The following IGF1R variants were observed in gnomAD, a reference collection of about 807,000 sequenced individuals.
The protein encoded by IGF1R is insulin like growth factor 1 receptor.
A neutral mutation model predicts 144.6 loss-of-function variants in IGF1R; 44 were observed. The observed-to-expected ratio is 0.30, with a 90% CI of 0.24 to 0.39. IGF1R has a LOEUF of 0.39. Ranked by LOEUF, IGF1R falls within the 10% of genes least tolerant of loss-of-function variation. The pLI, the probability that IGF1R is intolerant of heterozygous loss-of-function variation, is 1.00. For missense variants in IGF1R, 1,355 were observed against 1,833.7 expected, an observed-to-expected ratio of 0.74 and a Z score of 4.77; for synonymous variants, 795 against 722.8, an observed-to-expected ratio of 1.10 and a Z score of -1.60.
chr15:98,916,212 A>T, intron 9 of IGF1R, 81 bp downstream of exon 9: 1 of 1,314,094 alleles, frequency 7.6e-7, no homozygotes, highest in Non-Finnish European at 1.1e-6. Context: ...CTAATATTAC[A>T]CGTATCAGAC....
At chr15:98,756,610 A>T (rs2055162992) in intron 2 of IGF1R, among the ~76,000 whole-genome samples, 1 of 152,018 alleles carries the variant, frequency 6.6e-6, no homozygotes, top group Admixed American at 6.6e-5. Context: ...TAGGTATATT[A>T]ATTTTATATT....
chr15:98,664,119 T>G (rs944783904), intron 1 of IGF1R, among the ~76,000 whole-genome samples: 1 of 152,238 alleles, frequency 6.6e-6, no homozygotes, highest in African/African-American at 2.4e-5. Flanking sequence ...TTTGTAACAC[T>G]TTCCTGCTAT....
At chr15:98,879,669 G>A (rs1252250302) in intron 2 of IGF1R, among the ~76,000 whole-genome samples, 1 of 152,078 alleles carries the variant, frequency 6.6e-6, no homozygotes, top group Admixed American at 6.5e-5. Context: ...GTCCAGATGG[G>A]CCTCTCTCCA....
chr15:98,738,604 C>A (rs1567811), intron 2 of IGF1R, among the ~76,000 whole-genome samples: 1 of 151,962 alleles, frequency 6.6e-6, no homozygotes, highest in African/African-American at 2.4e-5. Context: ...TTGTGTCTGT[C>A]TGAGGCTCAG....
At chr15:98,783,958 A>ATTTTT (rs71149420) in intron 2 of IGF1R, among the ~76,000 whole-genome samples, 2 of 54,792 alleles carry the variant, frequency 3.7e-5, no homozygotes, top group African/African-American at 1.6e-4. Context: ...GGCATCTGAA[A>ATTTTT]TTTTTTTTTT....
At chr15:98,732,345 G>A (rs1037516439) in intron 2 of IGF1R, among the ~76,000 whole-genome samples, 3 of 152,220 alleles carry the variant, frequency 2.0e-5, no homozygotes, top group African/African-American at 4.8e-5. Context: ...TCAGGCAGAT[G>A]TCCTCTAAGA....
intron 1 of IGF1R, among the ~76,000 whole-genome samples, chr15:98,682,928 T>C (rs548835956): frequency 6.6e-6 from 1 of 151,738 alleles, no homozygotes; most frequent in East Asian, 1.9e-4. Context: ...GCTATGCATT[T>C]AAGTTGGAGC....
intron 2 of IGF1R, among the ~76,000 whole-genome samples, chr15:98,803,728 A>G (rs1035452153): frequency 6.6e-6 from 1 of 151,812 alleles, no homozygotes; most frequent in African/African-American, 2.4e-5. Flanking sequence ...CTGATCTCAA[A>G]CTCCTGACCT....
At chr15:98,898,845 C>G (rs574240925) in intron 4 of IGF1R, among the ~76,000 whole-genome samples, 1 of 151,342 alleles carries the variant, frequency 6.6e-6, no homozygotes, top group African/African-American at 2.4e-5. Context: ...TCTTTATTAG[C>G]AACTATTTTT....
At position 98,964,424 on chromosome 15, in the gene IGF1R, T is replaced by C. The variant is rs574183419; in HGVS notation, c.*6982T>C. 1 of 228,836 alleles carries C rather than the reference T, an allele frequency of 4.4e-6. No individual in the cohort carries two copies. The highest frequency in any genetic ancestry group is 2.2e-5 in the African/African-American group (1 of 45,206). The allele number at this position is 228,836 out of a possible 1,614,324, so 14.2% of individuals were successfully genotyped here. On this transcript the variant is annotated 3_prime_UTR_variant, in exon 21 of 21. Transcript: ENST00000650285. The stretch of plus-strand genomic sequence containing the variant: ...TCTTTACATAATGGAAAAAAGAAAC[T>C]GTCTATTTTGAATGGCTGAAGCTAA...
Position 98,891,407 on chromosome 15 carries a change from G to C in IGF1R, c.723G>C (p.Ala241=), listed in dbSNP as rs370559574. The change falls in exon 3 of 21, where the codon GCG becomes GCC. Residue 241 remains alanine (A), a synonymous_variant. Coordinates refer to ENST00000650285, the MANE Select transcript of IGF1R (RefSeq NM_000875.5). This position sits in a 1 kb window ranked among gnomAD's most constrained non-coding sequence, Gnocchi z 4.7. Reference sequence around the variant, plus strand: ...CCGAGTGCCTGGGCAGCTGCAGCGCGCCTGACAACGACACGGCCTGTGTAG... The same window carrying C: ...CCGAGTGCCTGGGCAGCTGCAGCGCCCCTGACAACGACACGGCCTGTGTAG... The part of the protein sequence containing the change: ...CHPECLGSCS[A]PDNDTACVAC... The C allele has an allele frequency of 8.7e-6, 14 of 1,613,172 alleles. No homozygotes were observed. Among genetic ancestry groups the C allele is most frequent in the African/African-American group, 4.0e-5 (3 of 74,866 alleles).
intron 1 of IGF1R, among the ~76,000 whole-genome samples, chr15:98,682,237 A>G (rs2053208762): frequency 1.3e-5 from 2 of 152,286 alleles, no homozygotes; most frequent in African/African-American, 4.8e-5. Flanking sequence ...TCCTATGGTT[A>G]TCTGAGTTGT....
intron 2 of IGF1R, among the ~76,000 whole-genome samples, chr15:98,724,283 G>C (rs1405578058): frequency 6.6e-6 from 1 of 152,184 alleles, no homozygotes; most frequent in African/African-American, 2.4e-5. Flanking sequence ...CAACTTTTCT[G>C]ATTTGTGTTA....
chr15:98,926,194 A>C (rs568107575), intron 13 of IGF1R, among the ~76,000 whole-genome samples: 1 of 152,314 alleles, frequency 6.6e-6, no homozygotes, highest in Admixed American at 6.5e-5. Context: ...GGAGGACATG[A>C]TGTTAAGTTA....
chr15:98,841,099 A>G (rs1596349126), intron 2 of IGF1R, among the ~76,000 whole-genome samples: 1 of 152,180 alleles, frequency 6.6e-6, no homozygotes, highest in East Asian at 1.9e-4. Context: ...ATGTGTTGAA[A>G]AACAATCTTA....
At chr15:98,664,751 G>C (rs2052688993) in intron 1 of IGF1R, among the ~76,000 whole-genome samples, 1 of 151,072 alleles carries the variant, frequency 6.6e-6, no homozygotes, top group Admixed American at 6.6e-5. Flanking sequence ...CTTCATGAGT[G>C]AATACATACA....
chr15:98,796,604 G>C (rs962253), intron 2 of IGF1R, among the ~76,000 whole-genome samples: 144,773 of 152,298 alleles, frequency 0.95, 68,900 homozygotes, highest in Middle Eastern at 0.98. Context: ...TATGGTCTTT[G>C]CGTAGCTGAT....
At chr15:98,947,658 C>CT (rs1438020863) in intron 19 of IGF1R, among the ~76,000 whole-genome samples, 2 of 152,210 alleles carry the variant, frequency 1.3e-5, no homozygotes, top group Non-Finnish European at 2.9e-5. Context: ...TGTGTGTACT[C>CT]TCTGTTTTGT....
chr15:98,683,101 T>C (rs1185220144), intron 1 of IGF1R, among the ~76,000 whole-genome samples: 1 of 151,746 alleles, frequency 6.6e-6, no homozygotes, highest in Admixed American at 6.6e-5. Flanking sequence ...ATAGGGATTC[T>C]TTAAGGGCAG....
Sources: gnomAD v4.1 joint callset for allele counts (sites outside exome capture counted in the v4.1 genomes callset) on GRCh38, gnomAD v4.1.1 for gene constraint, Gnocchi (gnomAD v3.1) non-coding constraint, MANE v1.5 for transcripts, NCBI Gene and HGNC (gene_info 2026-07-23, HGNC 2026-07-21) for gene names.